Variants in LDLRAD3 observed in about 807,000 individuals in gnomAD.
LDLRAD3 encodes the protein low density lipoprotein receptor class A domain containing 3.
Under a neutral mutation model 29.4 loss-of-function variants are expected in LDLRAD3, and 20 were observed. That is an observed-to-expected ratio of 0.68 (90% CI 0.48 to 0.99). The LOEUF (loss-of-function observed/expected upper bound fraction) is 0.99, where lower values mean the gene tolerates loss of function less well. LDLRAD3 is among the 50% of genes least tolerant of loss of function. The pLI is 0.00. For missense variants in LDLRAD3, 420 were observed against 454.3 expected, an observed-to-expected ratio of 0.92 and a Z score of 0.69; for synonymous variants, 157 against 192.7, an observed-to-expected ratio of 0.81 and a Z score of 1.53.
At chr11:36,026,657 G>A (rs551736551) in intron 1 of LDLRAD3, among the ~76,000 whole-genome samples, 2 of 152,346 alleles carry the variant, frequency 1.3e-5, no homozygotes, top group East Asian at 3.9e-4. Flanking sequence ...GCGAGATGGC[G>A]AGGAACATGA....
intron 4 of LDLRAD3, among the ~76,000 whole-genome samples, chr11:36,168,946 AAG>A (rs2133345839): frequency 6.6e-6 from 1 of 152,284 alleles, no homozygotes; most frequent in African/African-American, 2.4e-5. Context: ...ACACGTTTAA[AAG>A]AGTTTCACAT....
intron 1 of LDLRAD3, among the ~76,000 whole-genome samples, chr11:36,029,414 G>A (rs1852207791): frequency 6.6e-6 from 1 of 151,406 alleles, no homozygotes; most frequent in African/African-American, 2.4e-5. Flanking sequence ...CCAGGACTCA[G>A]TGCTCATCTT....
intron 4 of LDLRAD3, among the ~76,000 whole-genome samples, chr11:36,115,660 G>A (rs954924806): frequency 3.3e-5 from 5 of 152,074 alleles, no homozygotes; most frequent in African/African-American, 4.8e-5. Flanking sequence ...GCAAAAGGAC[G>A]CCCCAGTCCC....
chr11:36,154,240 C>T (rs1488127625), intron 4 of LDLRAD3, among the ~76,000 whole-genome samples: 1 of 152,174 alleles, frequency 6.6e-6, no homozygotes, highest in African/African-American at 2.4e-5. Context: ...CACCTTTAAA[C>T]ATCTGGGGGA....
intron 1 of LDLRAD3, chr11:35,997,220 A>T: frequency 3.5e-6 from 1 of 286,152 alleles, no homozygotes; most frequent in Non-Finnish European, 6.8e-6. Context: ...TACCTGCACC[A>T]CTGTTGATGT....
chr11:36,193,247 G>T (rs1428956900), intron 4 of LDLRAD3, among the ~76,000 whole-genome samples: 1 of 152,114 alleles, frequency 6.6e-6, no homozygotes, highest in Non-Finnish European at 1.5e-5. Flanking sequence ...ACTAGTGAGA[G>T]CTCAATTCAT....
chr11:36,216,949 G>A (rs1023897781), intron 4 of LDLRAD3, among the ~76,000 whole-genome samples: 4 of 152,296 alleles, frequency 2.6e-5, no homozygotes, highest in South Asian at 2.1e-4. Context: ...TCAGGATAGC[G>A]CAATGGATTC....
At chr11:36,214,404 G>A (rs78430978) in intron 4 of LDLRAD3, among the ~76,000 whole-genome samples, 1 of 152,270 alleles carries the variant, frequency 6.6e-6, no homozygotes, top group African/African-American at 2.4e-5. Flanking sequence ...TTGGTCCTGC[G>A]AGTTGGTGGA....
intron 4 of LDLRAD3, among the ~76,000 whole-genome samples, chr11:36,125,877 C>T (rs1027929255): frequency 2.6e-5 from 4 of 152,132 alleles, no homozygotes; most frequent in African/African-American, 4.8e-5. Context: ...CCTGTTCCGT[C>T]CCCTCCCATA....
intron 4 of LDLRAD3, among the ~76,000 whole-genome samples, chr11:36,134,166 A>G (rs937028419): frequency 9.9e-5 from 15 of 152,270 alleles, no homozygotes; most frequent in African/African-American, 3.4e-4. Context: ...AAAAATCATA[A>G]CATCAGCATC....
rs138890770 is a variant in LDLRAD3, at chr11:36,106,841, A to C, written c.454+8380A>C. ...TGCTGTGTGACCTGGCAGAATGGCCAGAGGAAATGTCCCTGCCCCGTGGAT... is the reference window on the plus strand; with the variant it reads ...TGCTGTGTGACCTGGCAGAATGGCCCGAGGAAATGTCCCTGCCCCGTGGAT... On this transcript the variant is annotated intron_variant, in intron 4 of 5. Transcript: ENST00000315571. 1.4e-4 allele frequency among the ~76,000 whole-genome samples: 21 copies of C among 152,340 alleles called. 1 individual carries two copies. The East Asian group carries it at 4.0e-3, about 29-fold the overall frequency.
chr11:35,947,067 G>A (rs904918035), intron 1 of LDLRAD3, among the ~76,000 whole-genome samples: 1 of 152,112 alleles, frequency 6.6e-6, no homozygotes, highest in African/African-American at 2.4e-5. Flanking sequence ...AGGGTGGGGT[G>A]GTAAATTCTG....
chr11:35,949,538 C>T (rs1485917769), intron 1 of LDLRAD3, among the ~76,000 whole-genome samples: 3 of 152,288 alleles, frequency 2.0e-5, no homozygotes, highest in South Asian at 2.1e-4. Flanking sequence ...CAACTTGATT[C>T]GTTCTGCAGG....
At position 36,223,767 on chromosome 11, in the gene LDLRAD3, A is replaced by G. The variant is rs560585456; in HGVS notation, c.455-3318A>G. Reference sequence around the variant, plus strand: ...AAGGAATAAAAAATAAAAAAAATACATCTCACTGGAATGGAACTCAGTCTG... The same window carrying G: ...AAGGAATAAAAAATAAAAAAAATACGTCTCACTGGAATGGAACTCAGTCTG... On this transcript the variant is annotated intron_variant, in intron 4 of 5. Coordinates refer to ENST00000315571, the MANE Select transcript of LDLRAD3 (RefSeq NM_174902.4). Among the ~76,000 whole-genome samples, 74 of 151,570 alleles carry G rather than the reference A, an allele frequency of 4.9e-4. 1 individual carries two copies. The highest frequency in any genetic ancestry group is 8.4e-4 in the Non-Finnish European group (57 of 67,882).
intron 1 of LDLRAD3, among the ~76,000 whole-genome samples, chr11:36,031,153 ACT>A (rs1852230945): frequency 6.6e-6 from 1 of 151,020 alleles, no homozygotes; most frequent in Non-Finnish European, 1.5e-5. Flanking sequence ...AAAATGGGCA[ACT>A]CTTTTTCATT....
intron 4 of LDLRAD3, chr11:36,110,185 C>G (rs1347062512): frequency 6.6e-6 from 1 of 152,204 alleles, no homozygotes; most frequent in Non-Finnish European, 1.5e-5. Flanking sequence ...ATTTCTGAAA[C>G]GTCTTTCATT....
chr11:36,229,525 C>T lies in LDLRAD3; in HGVS notation c.*128C>T. 1 of 683,788 alleles carries T rather than the reference C, an allele frequency of 1.5e-6. No individual in the cohort carries two copies. Among genetic ancestry groups the T allele is most frequent in the Non-Finnish European group, 2.5e-6 (1 of 392,838 alleles). The allele number at this position is 683,788 out of a possible 1,614,324, so 42.4% of individuals were successfully genotyped here. ...CTCAAGTTACAGTTTGGGATATTAACTATCTCTGCATTCCCCTCCTCCCCC... is the reference window on the plus strand; with the variant it reads ...CTCAAGTTACAGTTTGGGATATTAATTATCTCTGCATTCCCCTCCTCCCCC... On this transcript the variant is annotated 3_prime_UTR_variant, in exon 6 of 6. Transcript: ENST00000315571.
chr11:36,133,547 C>CTTTTTTT (rs67935336), intron 4 of LDLRAD3, among the ~76,000 whole-genome samples: 5 of 119,890 alleles, frequency 4.2e-5, no homozygotes, highest in Non-Finnish European at 6.8e-5. Flanking sequence ...TTTTTCTTTT[C>CTTTTTTT]TTTTTTTTTT....
intron 1 of LDLRAD3, among the ~76,000 whole-genome samples, chr11:36,028,315 C>T (rs1336396970): frequency 2.0e-5 from 3 of 152,160 alleles, no homozygotes; most frequent in Admixed American, 1.3e-4. Context: ...TTGCTAGTTG[C>T]TGAGGATGCA....
Sources: gnomAD v4.1 joint callset for allele counts (sites outside exome capture counted in the v4.1 genomes callset) on GRCh38, gnomAD v4.1.1 for gene constraint, MANE v1.5 for transcripts, NCBI Gene and HGNC (gene_info 2026-07-23, HGNC 2026-07-21) for gene names.